PDE10A: variants seen among roughly 807,000 people sequenced by gnomAD.
The protein encoded by PDE10A is cAMP and cAMP-inhibited cGMP 3',5'-cyclic phosphodiesterase 10A.
Under a neutral mutation model 97.7 loss-of-function variants are expected in PDE10A, and 39 were observed. That is an observed-to-expected ratio of 0.40 (90% CI 0.31 to 0.52). The LOEUF is 0.52. Ranked by LOEUF, PDE10A falls within the 20% of genes least tolerant of loss-of-function variation. The probability of loss-of-function intolerance (pLI) is 0.56; values close to 1 mark genes in which losing one functional copy is unlikely to be tolerated. For synonymous variants in PDE10A, 371 were observed against 376.8 expected (o/e 0.98, Z 0.18); for missense variants, 731 against 1,047.8 (o/e 0.70, Z 4.17).
At chr6:165,909,609 G>T (rs141394557) in intron 1 of PDE10A, among the ~76,000 whole-genome samples, 1 of 152,186 alleles carries the variant, frequency 6.6e-6, no homozygotes, top group African/African-American at 2.4e-5. Context: ...ATTGGTTCCA[G>T]GTGGAAGCAT....
intron 1 of PDE10A, among the ~76,000 whole-genome samples, chr6:165,712,057 C>T (rs375782505): frequency 1.3e-5 from 2 of 152,038 alleles, no homozygotes; most frequent in Non-Finnish European, 2.9e-5. Flanking sequence ...AATGGATGTC[C>T]GTGTGGTTTT....
chr6:165,835,791 C>T (rs142830747), intron 1 of PDE10A, among the ~76,000 whole-genome samples: 4 of 152,286 alleles, frequency 2.6e-5, no homozygotes, highest in East Asian at 1.9e-4. Context: ...GGAGGGGGAG[C>T]GTTTCCTAGG....
intron 3 of PDE10A, among the ~76,000 whole-genome samples, chr6:165,459,339 A>G (rs1405427997): frequency 1.3e-5 from 2 of 152,140 alleles, no homozygotes; most frequent in Non-Finnish European, 2.9e-5. Flanking sequence ...TGATTCCTTC[A>G]ACACTTCCTT....
intron 1 of PDE10A, among the ~76,000 whole-genome samples, chr6:165,545,683 ATGAAT>A (rs149355238): frequency 0.013 from 1,940 of 152,240 alleles, 40 homozygotes; most frequent in African/African-American, 0.045. Context: ...TTTGTTAATC[ATGAAT>A]TGAAGTTAAA....
At chr6:165,759,527 C>A (rs990698389) in intron 1 of PDE10A, among the ~76,000 whole-genome samples, 10 of 152,122 alleles carry the variant, frequency 6.6e-5, no homozygotes, top group African/African-American at 2.2e-4. Context: ...CCTACAGAGC[C>A]CACAGTTTGT....
intron 1 of PDE10A, among the ~76,000 whole-genome samples, chr6:165,592,097 C>T (rs548186677): frequency 1.2e-4 from 19 of 152,176 alleles, no homozygotes; most frequent in Non-Finnish European, 2.2e-4. Context: ...GGTACTGATA[C>T]CAAAACAGAT....
chr6:165,339,416 T>A, intron 19 of PDE10A, 58 bp from the exon 20 acceptor site: 1 of 1,003,420 alleles, frequency 1.0e-6, no homozygotes. Context: ...TATACTATTT[T>A]GATATTATTG....
intron 1 of PDE10A, among the ~76,000 whole-genome samples, chr6:165,741,589 C>T (rs1436375646): frequency 6.6e-6 from 1 of 152,046 alleles, no homozygotes; most frequent in East Asian, 1.9e-4. Context: ...CGTTCTACTC[C>T]ATGAATGATG....
intron 3 of PDE10A, among the ~76,000 whole-genome samples, chr6:165,472,421 C>A (rs1217898149): frequency 6.6e-6 from 1 of 152,026 alleles, no homozygotes; most frequent in East Asian, 1.9e-4. Context: ...ATTTAAAGAG[C>A]TATCTTTTGT....
chr6:165,504,500 G>A (rs925910579), intron 2 of PDE10A, among the ~76,000 whole-genome samples: 2 of 152,146 alleles, frequency 1.3e-5, no homozygotes, highest in Non-Finnish European at 2.9e-5. Flanking sequence ...CACAGCTGTA[G>A]CCACACCAAC....
At chr6:165,952,165 C>T (rs1258223044) in intron 1 of PDE10A, among the ~76,000 whole-genome samples, 1 of 152,222 alleles carries the variant, frequency 6.6e-6, no homozygotes, top group Non-Finnish European at 1.5e-5. Context: ...ATTCTGGCTC[C>T]GGAACGCCTC....
chr6:165,436,400 C>G (rs1002622786), intron 5 of PDE10A, among the ~76,000 whole-genome samples: 2 of 152,058 alleles, frequency 1.3e-5, no homozygotes, highest in African/African-American at 4.8e-5. Context: ...CTTTAAACAT[C>G]TTAAAAGAGA....
At chr6:165,642,527 AT>A (rs1789185743) in intron 1 of PDE10A, among the ~76,000 whole-genome samples, 2 of 152,240 alleles carry the variant, frequency 1.3e-5, no homozygotes, top group Admixed American at 6.5e-5. Context: ...TGAGGTGTAT[AT>A]AGCCCCACAT....
intron 1 of PDE10A, among the ~76,000 whole-genome samples, chr6:165,629,545 A>T (rs952317190): frequency 1.4e-5 from 2 of 147,342 alleles, no homozygotes; most frequent in African/African-American, 2.6e-5. Flanking sequence ...TTTTTTTTTA[A>T]AACAGGGTCT....
At chr6:165,623,144 GTTTAT>G (rs781343993) in intron 1 of PDE10A, among the ~76,000 whole-genome samples, 5 of 152,148 alleles carry the variant, frequency 3.3e-5, no homozygotes, top group African/African-American at 4.8e-5. Context: ...AGTCTCAGGT[GTTTAT>G]TTATTTTTTG....
At chr6:165,618,851 A>G (rs1198917855) in intron 1 of PDE10A, among the ~76,000 whole-genome samples, 1 of 152,236 alleles carries the variant, frequency 6.6e-6, no homozygotes, top group Non-Finnish European at 1.5e-5. Context: ...CATTAAATGA[A>G]TGTTACATAG....
intron 1 of PDE10A, among the ~76,000 whole-genome samples, chr6:165,592,826 T>C (rs141834573): frequency 5.5e-4 from 83 of 152,282 alleles, no homozygotes; most frequent in African/African-American, 1.6e-3. Flanking sequence ...TATGGAGAAA[T>C]AGGAACACTT....
intron 1 of PDE10A, among the ~76,000 whole-genome samples, chr6:165,756,091 C>T (rs1275565994): frequency 6.6e-5 from 10 of 152,066 alleles, no homozygotes; most frequent in African/African-American, 2.4e-5. Flanking sequence ...AAATGAGGCT[C>T]TGGGAAACAT....
intron 1 of PDE10A, among the ~76,000 whole-genome samples, chr6:165,826,837 G>A (rs1439233061): frequency 6.6e-6 from 1 of 151,910 alleles, no homozygotes; most frequent in Non-Finnish European, 1.5e-5. Context: ...GGGTGCTGGG[G>A]ACACGGAGGG....
Sources: allele counts gnomAD v4.1 joint callset (sites outside exome capture counted in the v4.1 genomes callset), GRCh38; gene constraint gnomAD v4.1.1; transcripts MANE v1.5; gene names NCBI Gene and HGNC (gene_info 2026-07-23, HGNC 2026-07-21).